Variants in MINDY4 observed in about 807,000 individuals in gnomAD.
The protein encoded by MINDY4 is probable ubiquitin carboxyl-terminal hydrolase MINDY-4.
In MINDY4, 68 loss-of-function variants were observed where a neutral mutation model predicts 87.0. The observed-to-expected ratio is 0.78, with a 90% confidence interval of 0.64 to 0.96. The LOEUF is 0.96. MINDY4 is among the 40% of genes least tolerant of loss of function. The pLI is 0.00. For synonymous variants in MINDY4, 379 were observed against 363.2 expected, an observed-to-expected ratio of 1.04 and a Z score of -0.50; for missense variants, 919 against 928.2, an observed-to-expected ratio of 0.99 and a Z score of 0.13.
At chr7:30,859,235 C>T in intron 12 of MINDY4, 22 bp from the exon 13 acceptor site, 1 of 1,611,236 alleles carries the variant, frequency 6.2e-7, no homozygotes, top group Middle Eastern at 1.7e-4. Flanking sequence ...GGATGGAGCT[C>T]ATTTTTCTCT....
intron 5 of MINDY4, among the ~76,000 whole-genome samples, chr7:30,828,321 TG>T (rs1554281156): frequency 1.1e-5 from 1 of 88,840 alleles, no homozygotes; most frequent in African/African-American, 5.9e-5. Context: ...ACTCGATTTG[TG>T]TGTGTGTGTG....
At chr7:30,771,606 G>GGTC in intron 1 of MINDY4, 50 bp downstream of exon 1, 1 of 1,546,262 alleles carries the variant, frequency 6.5e-7, no homozygotes. Flanking sequence ...AATTTGGGGG[G>GGTC]ATCATCGGGG....
At chr7:30,790,663 T>A (rs1273598775) in intron 4 of MINDY4, among the ~76,000 whole-genome samples, 3 of 152,184 alleles carry the variant, frequency 2.0e-5, no homozygotes, top group Non-Finnish European at 4.4e-5. Context: ...AAGGCTGGTC[T>A]CGAATTCCTG....
intron 13 of MINDY4, among the ~76,000 whole-genome samples, chr7:30,871,666 G>A (rs558608720): frequency 1.6e-4 from 24 of 152,354 alleles, no homozygotes; most frequent in Admixed American, 2.6e-4. Context: ...TGGGGGCACA[G>A]GCCTCAGAGC....
intron 5 of MINDY4, among the ~76,000 whole-genome samples, chr7:30,826,833 G>T (rs1203563734): frequency 6.6e-6 from 1 of 152,212 alleles, no homozygotes; most frequent in Middle Eastern, 3.2e-3. Flanking sequence ...GGCTTGCAAA[G>T]CACTTAGCAC....
intron 15 of MINDY4, among the ~76,000 whole-genome samples, chr7:30,880,843 A>G (rs1443489696): frequency 2.0e-5 from 3 of 152,132 alleles, no homozygotes; most frequent in African/African-American, 7.2e-5. Context: ...AGTGCGTTGT[A>G]AAGACTGTCC....
intron 4 of MINDY4, 55 bp downstream of exon 4, chr7:30,786,047 G>A (rs943871829): frequency 5.0e-6 from 8 of 1,600,210 alleles, no homozygotes; most frequent in Non-Finnish European, 6.8e-6. Flanking sequence ...AACTGGGCTG[G>A]GCTTAAGGCA....
At chr7:30,818,196 G>A (rs1788222661) in intron 5 of MINDY4, among the ~76,000 whole-genome samples, 1 of 151,912 alleles carries the variant, frequency 6.6e-6, no homozygotes, top group South Asian at 2.1e-4. Flanking sequence ...AGATTATTTT[G>A]TATTTTTTAA....
chr7:30,850,463 G>A lies in MINDY4; in HGVS notation c.1455G>A (p.Gln485=), dbSNP rs770653607. 3.1e-6 allele frequency: 5 copies of A among 1,612,028 alleles called. No individual in the cohort carries two copies. The East Asian group carries it at 6.7e-5, about 22-fold the overall frequency. The change falls in exon 10 of 18, where the codon CAG becomes CAA. Residue 485 remains glutamine, a synonymous_variant. Transcript: ENST00000265299. Reference sequence around the variant, plus strand: ...CTTTTCTTGTCCGCAGGGGACTGCAGCCTTCAGATGCCCACCGGACCCGCT... The same window carrying A: ...CTTTTCTTGTCCGCAGGGGACTGCAACCTTCAGATGCCCACCGGACCCGCT... ...DSKADCAQGL[Q]PSDAHRTRCL...
chr7:30,866,837 G>A (rs191330657), intron 13 of MINDY4, among the ~76,000 whole-genome samples: 1 of 152,252 alleles, frequency 6.6e-6, no homozygotes, highest in Admixed American at 6.5e-5. Flanking sequence ...TTGGCCAGCT[G>A]CTGATGAGCC....
At chr7:30,835,921 C>T (rs1450247071) in intron 6 of MINDY4, among the ~76,000 whole-genome samples, 1 of 152,210 alleles carries the variant, frequency 6.6e-6, no homozygotes, top group Admixed American at 6.5e-5. Flanking sequence ...CCTCAGTTGT[C>T]CCACTATGAG....
intron 9 of MINDY4, among the ~76,000 whole-genome samples, chr7:30,843,775 A>G (rs1022349528): frequency 1.8e-4 from 27 of 152,082 alleles, no homozygotes; most frequent in African/African-American, 5.6e-4. Context: ...CCAGGCAGGT[A>G]CCTCCTAGCT....
At chr7:30,815,305 C>T (rs1337140662) in intron 5 of MINDY4, among the ~76,000 whole-genome samples, 3 of 152,226 alleles carry the variant, frequency 2.0e-5, no homozygotes, top group Non-Finnish European at 4.4e-5. Flanking sequence ...ATCCTGGGCT[C>T]TTACACCATC....
intron 6 of MINDY4, among the ~76,000 whole-genome samples, chr7:30,836,407 C>T (rs753546186): frequency 4.7e-4 from 71 of 152,178 alleles, no homozygotes; most frequent in Non-Finnish European, 1.9e-4. Flanking sequence ...AAGTCTCACT[C>T]GGCAACATCC....
Position 30,782,019 on chromosome 7 carries a change from A to ACTG in MINDY4, c.226_227insCTG (p.Arg76delinsThrGly). 1.2e-6 allele frequency: 2 copies of ACTG among 1,614,160 alleles called. No homozygotes were observed. The highest frequency in any genetic ancestry group is 1.7e-6 in the Non-Finnish European group (2 of 1,180,018). On this transcript the variant is annotated protein_altering_variant, in exon 3 of 18. Transcript: ENST00000265299. ...AAAAACAAGCCTTGAACTCATCACC[A>ACTG]GATACTTTCTGGATCACTTTGGAAA...
At chr7:30,775,371 A>T (rs1786778243) in intron 1 of MINDY4, among the ~76,000 whole-genome samples, 2 of 152,194 alleles carry the variant, frequency 1.3e-5, no homozygotes, top group South Asian at 4.1e-4. Context: ...TTACCAGTTT[A>T]CTATAAAGGA....
chr7:30,789,186 G>A (rs11768026), intron 4 of MINDY4, among the ~76,000 whole-genome samples: 90,253 of 151,876 alleles, frequency 0.59, 27,352 homozygotes, highest in South Asian at 0.74. Flanking sequence ...AGAGAGGAGC[G>A]CCAGGGTCCT....
intron 5 of MINDY4, among the ~76,000 whole-genome samples, chr7:30,806,002 C>T (rs867579138): frequency 3.9e-5 from 6 of 152,270 alleles, no homozygotes; most frequent in Non-Finnish European, 7.4e-5. Context: ...TTTTCTGTTA[C>T]GCTCAGTAAC....
intron 9 of MINDY4, among the ~76,000 whole-genome samples, chr7:30,845,095 A>T (rs1266474562): frequency 2.0e-5 from 3 of 152,170 alleles, no homozygotes; most frequent in Admixed American, 1.3e-4. Flanking sequence ...TGCAAGAGGC[A>T]TGGAGCAGTG....
Sources: allele counts gnomAD v4.1 joint callset (sites outside exome capture counted in the v4.1 genomes callset), GRCh38; gene constraint gnomAD v4.1.1; transcripts MANE v1.5; gene names NCBI Gene and HGNC (gene_info 2026-07-23, HGNC 2026-07-21).